The following CPNE8 variants were observed in gnomAD, a reference collection of about 807,000 sequenced individuals.
CPNE8 encodes copine 8, also known as copine-8.
In CPNE8, 45 loss-of-function variants were observed where a neutral mutation model predicts 81.5. That is an observed-to-expected ratio of 0.55 (90% CI 0.44 to 0.71). CPNE8 has a LOEUF of 0.71. Among genes scored for constraint, CPNE8 ranks in the 30% least tolerant of loss-of-function variants. The pLI, the probability that CPNE8 is intolerant of heterozygous loss-of-function variation, is 0.00. For synonymous variants in CPNE8, 252 were observed against 226.3 expected (o/e 1.11, Z -1.02); for missense variants, 594 against 672.1 (o/e 0.88, Z 1.28).
At chr12:38,795,593 CATT>C (rs1165218636) in intron 6 of CPNE8, among the ~76,000 whole-genome samples, 1 of 152,092 alleles carries the variant, frequency 6.6e-6, no homozygotes, top group South Asian at 2.1e-4. Context: ...ATCTTGAAGA[CATT>C]ATGCTAAGTG....
intron 6 of CPNE8, among the ~76,000 whole-genome samples, chr12:38,780,901 G>GA (rs952352605): frequency 6.6e-6 from 1 of 151,762 alleles, no homozygotes; most frequent in African/African-American, 2.4e-5. Flanking sequence ...GATCTAAGAT[G>GA]AAAAAAGAAA....
At chr12:38,848,290 T>G (rs1943588747) in intron 4 of CPNE8, among the ~76,000 whole-genome samples, 1 of 152,118 alleles carries the variant, frequency 6.6e-6, no homozygotes. Context: ...ATAGAACTTG[T>G]AGGAAATCCA....
intron 6 of CPNE8, among the ~76,000 whole-genome samples, chr12:38,810,643 T>C (rs1223336056): frequency 6.6e-6 from 1 of 152,154 alleles, no homozygotes; most frequent in African/African-American, 2.4e-5. Context: ...CAAATTACCA[T>C]AAACTTAGTG....
chr12:38,829,051 T>C (rs977376333), intron 6 of CPNE8, among the ~76,000 whole-genome samples: 3 of 152,344 alleles, frequency 2.0e-5, no homozygotes, highest in Admixed American at 1.3e-4. Context: ...AGCAGTTTAC[T>C]ACATATATTT....
Position 38,653,733 on chromosome 12 carries a change from T to C in CPNE8, c.*149A>G, listed in dbSNP as rs1340746284. On this transcript the variant is annotated 3_prime_UTR_variant, in exon 20 of 20. Coordinates refer to ENST00000331366, the MANE Select transcript of CPNE8 (RefSeq NM_153634.3). ...TATTTACAGTTTTGGTTTAGGAAGA[T>C]ATTTAAATTTGGATCCAAGAAAGCA... 2.5e-6 allele frequency: 3 copies of C among 1,183,742 alleles called. No homozygotes were observed. The allele number at this position is 1,183,742 out of a possible 1,614,324, so 73.3% of individuals were successfully genotyped here.
At chr12:38,732,849 C>T (rs989697462) in intron 10 of CPNE8, among the ~76,000 whole-genome samples, 1 of 151,944 alleles carries the variant, frequency 6.6e-6, no homozygotes, top group Non-Finnish European at 1.5e-5. Flanking sequence ...TATTAGTCCT[C>T]CTTTCTAAAT....
chr12:38,831,236 T>C (rs765883029), intron 5 of CPNE8, among the ~76,000 whole-genome samples: 1 of 152,006 alleles, frequency 6.6e-6, no homozygotes, highest in African/African-American at 2.4e-5. Flanking sequence ...GAAATGGAGA[T>C]GAAGAGCCAA....
intron 6 of CPNE8, among the ~76,000 whole-genome samples, chr12:38,784,874 T>A (rs1942142622): frequency 6.6e-6 from 1 of 152,070 alleles, no homozygotes; most frequent in Non-Finnish European, 1.5e-5. Context: ...CTATGAGAAA[T>A]GCTAAAGAGA....
intron 7 of CPNE8, among the ~76,000 whole-genome samples, chr12:38,770,194 A>G (rs1416562686): frequency 6.6e-6 from 1 of 152,216 alleles, no homozygotes; most frequent in East Asian, 1.9e-4. Context: ...ACATATTCCA[A>G]TCTGAACATC....
chr12:38,788,870 A>G (rs955553095), intron 6 of CPNE8, among the ~76,000 whole-genome samples: 2 of 151,946 alleles, frequency 1.3e-5, no homozygotes, highest in African/African-American at 2.4e-5. Flanking sequence ...CCACAAAAAA[A>G]ATTAAATACC....
chr12:38,821,562 C>G (rs980833972), intron 6 of CPNE8, among the ~76,000 whole-genome samples: 3 of 152,128 alleles, frequency 2.0e-5, no homozygotes, highest in Non-Finnish European at 2.9e-5. Flanking sequence ...TCAGAACAAC[C>G]AACCAATCAT....
chr12:38,792,350 C>T (rs868822374), intron 6 of CPNE8, among the ~76,000 whole-genome samples: 14 of 147,990 alleles, frequency 9.5e-5, no homozygotes, highest in Middle Eastern at 3.6e-3. Context: ...AGATTAACTA[C>T]GAAAAAGAGA....
chr12:38,699,358 T>A (rs1468131718), intron 14 of CPNE8, among the ~76,000 whole-genome samples: 1 of 152,234 alleles, frequency 6.6e-6, no homozygotes, highest in Non-Finnish European at 1.5e-5. Context: ...GCTAGTCACC[T>A]TTTGTTAGTT....
chr12:38,865,952 T>A (rs891519171), intron 3 of CPNE8, among the ~76,000 whole-genome samples: 1 of 152,198 alleles, frequency 6.6e-6, no homozygotes, highest in South Asian at 2.1e-4. Flanking sequence ...AGTTTCTGCC[T>A]CTCTATATCC....
At chr12:38,694,137 T>C (rs111414074) in intron 14 of CPNE8, among the ~76,000 whole-genome samples, 1 of 152,154 alleles carries the variant, frequency 6.6e-6, no homozygotes, top group African/African-American at 2.4e-5. Flanking sequence ...AAAAGTACTT[T>C]TGTTAATCTT....
At chr12:38,706,638 A>G (rs1417035349) in intron 13 of CPNE8, among the ~76,000 whole-genome samples, 2 of 152,184 alleles carry the variant, frequency 1.3e-5, no homozygotes, top group Non-Finnish European at 2.9e-5. Context: ...CTTTAAGAAT[A>G]TATGTTTTAG....
At chr12:38,741,772 A>C (rs1448232560) in intron 10 of CPNE8, among the ~76,000 whole-genome samples, 1 of 152,204 alleles carries the variant, frequency 6.6e-6, no homozygotes, top group African/African-American at 2.4e-5. Flanking sequence ...CAATCTTCTC[A>C]TCTGACAAAG....
intron 7 of CPNE8, among the ~76,000 whole-genome samples, chr12:38,769,559 G>C (rs1326696541): frequency 6.6e-6 from 1 of 152,140 alleles, no homozygotes; most frequent in Non-Finnish European, 1.5e-5. Context: ...GCCCTTGGGA[G>C]AGAATGGCTT....
rs562145996 is a variant in CPNE8 at position 38,826,750 on chromosome 12, A to G, written c.407+2629T>C. 3.9e-5 allele frequency among the ~76,000 whole-genome samples: 6 copies of G among 152,276 alleles called. No homozygotes were observed. The South Asian group carries it at 1.2e-3, about 32-fold the overall frequency. On this transcript the variant is annotated intron_variant, in intron 6 of 19. Coordinates refer to ENST00000331366, the MANE Select transcript of CPNE8 (RefSeq NM_153634.3). ...AATATATTCCAAGATTAATATAAAT[A>G]TGATTTTCCACTGGTAAATTTTTTA...
Sources: allele counts gnomAD v4.1 joint callset (sites outside exome capture counted in the v4.1 genomes callset), GRCh38; gene constraint gnomAD v4.1.1; transcripts MANE v1.5; gene names NCBI Gene and HGNC (gene_info 2026-07-23, HGNC 2026-07-21).